The following HCN1 variants were observed in gnomAD, a reference collection of about 807,000 sequenced individuals.
HCN1 encodes potassium/sodium hyperpolarization-activated cyclic nucleotide-gated channel 1.
HCN1 carries 13 observed loss-of-function variants against 78.9 expected under a neutral mutation model. That is an observed-to-expected ratio of 0.16 (90% CI 0.11 to 0.26). The LOEUF (loss-of-function observed/expected upper bound fraction) is 0.26. Among genes scored for constraint, HCN1 ranks in the 10% least tolerant of loss-of-function variants. The pLI is 1.00. For missense variants in HCN1, 810 were observed against 1,154.3 expected (o/e 0.70, Z 4.32); for synonymous variants, 552 against 455.5 (o/e 1.21, Z -2.70).
At chr5:45,394,439 C>G (rs977790617) in intron 4 of HCN1, among the ~76,000 whole-genome samples, 10 of 152,108 alleles carry the variant, frequency 6.6e-5, no homozygotes, top group Middle Eastern at 3.4e-3. Context: ...GGGCAAATCA[C>G]CAAAGAAGCT....
At chr5:45,408,561 T>A (rs1739971008) in intron 3 of HCN1, among the ~76,000 whole-genome samples, 1 of 152,106 alleles carries the variant, frequency 6.6e-6, no homozygotes, top group African/African-American at 2.4e-5. Context: ...ATCTATGATG[T>A]TTTCACAATG....
chr5:45,632,279 T>TTGTGTG (rs139925464), intron 2 of HCN1, among the ~76,000 whole-genome samples: 26 of 147,794 alleles, frequency 1.8e-4, no homozygotes, highest in African/African-American at 6.2e-4. Flanking sequence ...TAATGTTCCA[T>TTGTGTG]TGTGTGTGTG....
At chr5:45,308,059 G>C (rs1186385922) in intron 5 of HCN1, among the ~76,000 whole-genome samples, 1 of 152,046 alleles carries the variant, frequency 6.6e-6, no homozygotes, top group Non-Finnish European at 1.5e-5. Flanking sequence ...TGAATGATTT[G>C]GTGCTGTCCT....
intron 4 of HCN1, among the ~76,000 whole-genome samples, chr5:45,384,165 T>C (rs950755877): frequency 1.3e-5 from 2 of 152,168 alleles, no homozygotes; most frequent in Admixed American, 6.6e-5. Flanking sequence ...TATACTCATG[T>C]TTCCTTTACA....
intron 5 of HCN1, among the ~76,000 whole-genome samples, chr5:45,334,440 T>C (rs1429988592): frequency 1.3e-5 from 2 of 151,728 alleles, no homozygotes; most frequent in Non-Finnish European, 2.9e-5. Flanking sequence ...TTCTCAACAG[T>C]GTTAGTAGGT....
At chr5:45,611,287 T>G (rs1449455973) in intron 2 of HCN1, among the ~76,000 whole-genome samples, 2 of 147,280 alleles carry the variant, frequency 1.4e-5, no homozygotes, top group Non-Finnish European at 3.0e-5. Context: ...TTTTTTTTTT[T>G]TTGAGACGGA....
At chr5:45,500,667 T>A (rs544327594) in intron 2 of HCN1, among the ~76,000 whole-genome samples, 2 of 152,170 alleles carry the variant, frequency 1.3e-5, no homozygotes, top group Non-Finnish European at 2.9e-5. Context: ...ACATACAACC[T>A]AACCCTTATC....
intron 2 of HCN1, among the ~76,000 whole-genome samples, chr5:45,548,944 G>A (rs535251294): frequency 5.3e-5 from 8 of 151,424 alleles, no homozygotes; most frequent in South Asian, 2.1e-4. Context: ...TACAAGGGAC[G>A]TGAAGGACCT....
At chr5:45,603,416 C>T (rs1744664620) in intron 2 of HCN1, among the ~76,000 whole-genome samples, 1 of 151,908 alleles carries the variant, frequency 6.6e-6, no homozygotes, top group South Asian at 2.1e-4. Context: ...AGACAATTTG[C>T]CTGCAGTGTT....
chr5:45,291,957 C>T (rs571815039), intron 6 of HCN1, among the ~76,000 whole-genome samples: 22 of 151,440 alleles, frequency 1.5e-4, no homozygotes. Context: ...ATTTTATGTC[C>T]TTTCAATAGT....
intron 4 of HCN1, among the ~76,000 whole-genome samples, chr5:45,382,112 G>A (rs968764072): frequency 1.3e-5 from 2 of 152,134 alleles, no homozygotes; most frequent in Non-Finnish European, 2.9e-5. Flanking sequence ...TCCTTCAGAT[G>A]TTTTTGCATT....
At chr5:45,685,457 T>C (rs1197172069) in intron 1 of HCN1, among the ~76,000 whole-genome samples, 1 of 152,206 alleles carries the variant, frequency 6.6e-6, no homozygotes, top group Non-Finnish European at 1.5e-5. Context: ...CTCATGCCTG[T>C]AACGTCAGCA....
chr5:45,487,534 C>CATATACTG (rs112312449), intron 2 of HCN1, among the ~76,000 whole-genome samples: 13,019 of 151,904 alleles, frequency 0.086, 711 homozygotes, highest in Middle Eastern at 0.13. Context: ...AATTAAAAGG[C>CATATACTG]ATATACTGTC....
At chr5:45,396,240 T>C (rs1191665665) in intron 4 of HCN1, among the ~76,000 whole-genome samples, 4 of 152,154 alleles carry the variant, frequency 2.6e-5, no homozygotes, top group Non-Finnish European at 5.9e-5. Context: ...TTGAAATATA[T>C]AGCTATTTTT....
chr5:45,478,791 A>G (rs1255797029), intron 2 of HCN1, among the ~76,000 whole-genome samples: 1 of 152,162 alleles, frequency 6.6e-6, no homozygotes, highest in East Asian at 1.9e-4. Flanking sequence ...AGTAAAAGTT[A>G]GCTAAGAACA....
intron 1 of HCN1, among the ~76,000 whole-genome samples, chr5:45,689,022 T>C (rs770599840): frequency 2.6e-5 from 4 of 151,992 alleles, no homozygotes; most frequent in Non-Finnish European, 4.4e-5. Flanking sequence ...CTAATGCATA[T>C]GGGGTTTCTC....
Position 45,586,367 on chromosome 5 carries a change from T to C in HCN1, c.849+58818A>G, listed in dbSNP as rs539145460. The stretch of plus-strand genomic sequence containing the variant: ...CCTGGTGTGCCATTTGCTAAGACCA[T>C]TGGAAAAGCACAGTATTAGGGTGGA... On this transcript the variant is annotated intron_variant, in intron 2 of 7. Coordinates refer to ENST00000303230, the MANE Select transcript of HCN1 (RefSeq NM_021072.4). 1.9e-4 allele frequency among the ~76,000 whole-genome samples: 29 copies of C among 152,192 alleles called. No individual in the cohort carries two copies. The South Asian group carries it at 4.8e-3, about 25-fold the overall frequency.
At chr5:45,679,361 G>A (rs979442978) in intron 1 of HCN1, among the ~76,000 whole-genome samples, 8 of 152,042 alleles carry the variant, frequency 5.3e-5, no homozygotes, top group Admixed American at 5.3e-4. Context: ...AGCTAATACT[G>A]CATTTGGAAC....
intron 2 of HCN1, among the ~76,000 whole-genome samples, chr5:45,537,521 G>GTGT (rs1381285677): frequency 3.5e-5 from 1 of 28,842 alleles, no homozygotes; most frequent in Non-Finnish European, 8.4e-5. Flanking sequence ...GCAACTCTAA[G>GTGT]TCTTTTTTTT....
Sources: allele counts gnomAD v4.1 joint callset (sites outside exome capture counted in the v4.1 genomes callset), GRCh38; gene constraint gnomAD v4.1.1; transcripts MANE v1.5; gene names NCBI Gene and HGNC (gene_info 2026-07-23, HGNC 2026-07-21).